ATG4B: variants seen among roughly 807,000 people sequenced by gnomAD.
ATG4B encodes the protein cysteine protease ATG4B.
A neutral mutation model predicts 56.6 loss-of-function variants in ATG4B; 29 were observed. That is an observed-to-expected ratio of 0.51 (90% CI 0.38 to 0.70). The LOEUF (loss-of-function observed/expected upper bound fraction) is 0.70. Among genes scored for constraint, ATG4B ranks in the 30% least tolerant of loss-of-function variants. ATG4B has a pLI of 0.00. For synonymous variants in ATG4B, 224 were observed against 206.1 expected (o/e 1.09, Z -0.74); for missense variants, 461 against 515.5 (o/e 0.89, Z 1.02).
intron 3 of ATG4B, among the ~76,000 whole-genome samples, chr2:241,652,607 C>T (rs1473955598): frequency 6.6e-6 from 1 of 152,176 alleles, no homozygotes; most frequent in Non-Finnish European, 1.5e-5. Flanking sequence ...AGCAGTTCTC[C>T]CTCCTCAGCC....
rs766582175 is a variant in ATG4B at position 241,668,130 on chromosome 2, C to T, written c.733-13C>T. On this transcript the variant is annotated splice_polypyrimidine_tract_variant and intron_variant, in intron 8 of 12. Transcript: ENST00000404914. This position sits in a 1 kb window ranked among gnomAD's most constrained non-coding sequence, Gnocchi z 4.2. ...CACCTGGGACCTGTGCTCAGTCCCC[C>T]GCCCCTCCACAGCACTGCTTCATGA... 64 of 1,583,638 alleles carry T rather than the reference C, an allele frequency of 4.0e-5. No individual in the cohort carries two copies. Among genetic ancestry groups the T allele is most frequent in the South Asian group, 4.6e-5 (4 of 86,090 alleles).
At chr2:241,646,089 T>C (rs2068052868) in intron 1 of ATG4B, among the ~76,000 whole-genome samples, 1 of 152,226 alleles carries the variant, frequency 6.6e-6, no homozygotes, top group Non-Finnish European at 1.5e-5. Context: ...CAGTTATAGC[T>C]GGAGGTGTGG....
intron 1 of ATG4B, among the ~76,000 whole-genome samples, chr2:241,641,455 C>T (rs1299866237): frequency 6.6e-6 from 1 of 151,224 alleles, no homozygotes; most frequent in African/African-American, 2.4e-5. Flanking sequence ...GAGGCTGAGG[C>T]AGGAGAATGG....
chr2:241,651,925 G>T lies in ATG4B; in HGVS notation c.184+590G>T. The T allele has an allele frequency of 7.7e-7, 1 of 1,304,114 alleles. No individual in the cohort carries two copies. The highest frequency in any genetic ancestry group is 1.0e-6 in the Non-Finnish European group (1 of 988,824). 80.8% of individuals were successfully genotyped at this position (1,304,114 alleles called of 1,614,324 possible). On this transcript the variant is annotated intron_variant, in intron 3 of 12. Transcript: ENST00000404914. The surrounding 1 kb of genome is among the most constrained non-coding windows in gnomAD (Gnocchi z 4.1). ...TATACCCTGGAGCTGGAAGGAGATG[G>T]GGACTGGTTCTCAGCCTTGCCTCTC... is the stretch of plus-strand genomic sequence containing the variant.
chr2:241,659,322 C>G, intron 7 of ATG4B, 135 bp downstream of exon 7: 1 of 791,682 alleles, frequency 1.3e-6, no homozygotes, highest in Non-Finnish European at 2.2e-6. Flanking sequence ...TCCGTGGGGC[C>G]TGTGCGCCAA....
Position 241,660,682 on chromosome 2 carries a change from C to T in ATG4B, c.538+1495C>T, listed in dbSNP as rs1575079281. Among the ~76,000 whole-genome samples the T allele has an allele frequency of 2.6e-5, 4 of 152,118 alleles. No homozygotes were observed. The Middle Eastern group carries it at 0.014, about 517-fold the overall frequency. On this transcript the variant is annotated intron_variant, in intron 7 of 12. Transcript: ENST00000404914. ...TTTGACATTCTTACTCTCAGTATTT[C>T]TCCTGTGCTTTTCAAAAACTTACAT...
intron 6 of ATG4B, among the ~76,000 whole-genome samples, chr2:241,656,649 C>T (rs1307550425): frequency 1.3e-5 from 2 of 152,224 alleles, no homozygotes; most frequent in Non-Finnish European, 1.5e-5. Flanking sequence ...GGACGGCTTC[C>T]AGGGCTGATT....
At chr2:241,659,782 G>A (rs1181452077) in intron 7 of ATG4B, 2 of 165,020 alleles carry the variant, frequency 1.2e-5, no homozygotes, top group Non-Finnish European at 2.7e-5. Context: ...ATGCCTCATT[G>A]CCTTTTTCAC....
chr2:241,659,629 T>G (rs1348040843), intron 7 of ATG4B: 1 of 328,034 alleles, frequency 3.0e-6, no homozygotes, highest in Non-Finnish European at 6.0e-6. Context: ...AAAGGTCTGC[T>G]GCAACCCTGA....
At chr2:241,639,151 G>A (rs994354029) in intron 1 of ATG4B, among the ~76,000 whole-genome samples, 5 of 152,180 alleles carry the variant, frequency 3.3e-5, no homozygotes, top group African/African-American at 1.2e-4. Flanking sequence ...GCCGGGTCCC[G>A]CCAGCTGTTT....
intron 1 of ATG4B, among the ~76,000 whole-genome samples, chr2:241,639,853 G>A (rs190234264): frequency 2.6e-4 from 39 of 152,336 alleles, no homozygotes; most frequent in African/African-American, 9.4e-4. Flanking sequence ...AATAGGTGAA[G>A]GGTGGGGATT....
chr2:241,669,911 C>G (rs936714818), intron 10 of ATG4B, among the ~76,000 whole-genome samples: 5 of 146,454 alleles, frequency 3.4e-5, no homozygotes, highest in African/African-American at 9.8e-5. Flanking sequence ...GTGATTGGCA[C>G]TCTAACAGTC....
chr2:241,659,551 A>T, intron 7 of ATG4B: 1 of 357,406 alleles, frequency 2.8e-6, no homozygotes. Context: ...TGTAGCAACC[A>T]TCTCTAGCTG....
intron 1 of ATG4B, among the ~76,000 whole-genome samples, chr2:241,643,663 C>CACGTGTGT (rs1553563368): frequency 2.9e-5 from 4 of 135,604 alleles, no homozygotes; most frequent in African/African-American, 1.2e-4. Context: ...TATATATATA[C>CACGTGTGT]GTGTGTGTGT....
chr2:241,648,079 A>C (rs1204746831), intron 1 of ATG4B, among the ~76,000 whole-genome samples: 2 of 152,118 alleles, frequency 1.3e-5, no homozygotes, highest in Non-Finnish European at 2.9e-5. Context: ...ATGCCACTGC[A>C]CTTCAGCCTG....
intron 1 of ATG4B, among the ~76,000 whole-genome samples, chr2:241,649,634 G>A (rs542714856): frequency 3.2e-4 from 49 of 152,338 alleles, no homozygotes; most frequent in Non-Finnish European, 5.7e-4. Flanking sequence ...TCGCCACATG[G>A]GTGTTTGGGC....
intron 6 of ATG4B, 51 bp downstream of exon 6, chr2:241,655,394 G>C (rs367928434): frequency 6.5e-5 from 101 of 1,553,204 alleles, no homozygotes; most frequent in Non-Finnish European, 8.3e-5. Flanking sequence ...GATGTTCCCT[G>C]GGGGTTAAAT....
Position 241,664,040 on chromosome 2 carries a change from G to C in ATG4B, c.539-2605G>C, listed in dbSNP as rs192717711. Among the ~76,000 whole-genome samples, 895 of 152,186 alleles carry C rather than the reference G, an allele frequency of 5.9e-3. 11 individuals carry two copies. Among genetic ancestry groups the C allele is most frequent in the Middle Eastern group, 0.017 (5 of 294 alleles). ...TCACCATGTTGGCCAGGATGGTCTT[G>C]ATCTCCTGACCTCATGATCTGCCCA... On this transcript the variant is annotated intron_variant, in intron 7 of 12. Coordinates refer to ENST00000404914, the MANE Select transcript of ATG4B (RefSeq NM_013325.5).
chr2:241,671,932 G>A (rs1006546941), intron 12 of ATG4B: 12 of 1,379,088 alleles, frequency 8.7e-6, no homozygotes, highest in African/African-American at 2.9e-5. Flanking sequence ...AGGGTCAGAC[G>A]CGGGACAGAG....
Sources: gnomAD v4.1 joint callset for allele counts (sites outside exome capture counted in the v4.1 genomes callset) on GRCh38, gnomAD v4.1.1 for gene constraint, Gnocchi (gnomAD v3.1) non-coding constraint, MANE v1.5 for transcripts, NCBI Gene and HGNC (gene_info 2026-07-23, HGNC 2026-07-21) for gene names.